Variants in HMOX1 observed in about 807,000 individuals in gnomAD.
The protein encoded by HMOX1 is heat shock protein, 32-kD.
HMOX1 carries 22 observed loss-of-function variants against 27.8 expected under a neutral mutation model. That is an observed-to-expected ratio of 0.79 (90% confidence interval 0.57 to 1.13). HMOX1 has a LOEUF of 1.13. Among genes scored for constraint, HMOX1 ranks in the 50% most tolerant of loss-of-function variants. The probability of loss-of-function intolerance (pLI) is 0.00; values close to 1 mark genes in which losing one functional copy is unlikely to be tolerated. For missense variants in HMOX1, 379 were observed against 377.7 expected (o/e 1.00, Z -0.03); for synonymous variants, 153 against 151.6 (o/e 1.01, Z -0.07).
At position 35,393,669 on chromosome 22, in the gene HMOX1, C is replaced by G. The variant is rs559481884; in HGVS notation, c.*71C>G. ...AGGCCTTCTTTCTAGAGAGGGAATT[C>G]TCTTGGCTGGCTTCCTTACCGTGGG... On this transcript the variant is annotated 3_prime_UTR_variant, in exon 5 of 5. Coordinates refer to ENST00000216117, the MANE Select transcript of HMOX1 (RefSeq NM_002133.3). 1,589 of 1,596,134 alleles carry G rather than the reference C, an allele frequency of 1.0e-3. 2 individuals carry two copies. Among genetic ancestry groups the G allele is most frequent in the Non-Finnish European group, 1.2e-3 (1,409 of 1,164,512 alleles).
At position 35,390,123 on chromosome 22, in the gene HMOX1, G is replaced by A. The variant is rs149112944; in HGVS notation, c.736+160G>A. 924 of 682,950 alleles carry A rather than the reference G, an allele frequency of 1.4e-3. 14 individuals are homozygous for A. The East Asian group carries it at 0.023, about 17-fold the overall frequency. The allele number at this position is 682,950 out of a possible 1,614,324, so 42.3% of individuals were successfully genotyped here. On this transcript the variant is annotated intron_variant, in intron 4 of 4. Transcript: ENST00000216117. ...ACTGCCCCTGTAAGGACAGGTTCTC[G>A]CTATATTGCCCAGGCCAGTCTTGAA...
chr22:35,390,207 C>T (rs1332078689), intron 4 of HMOX1: 18 of 539,458 alleles, frequency 3.3e-5, no homozygotes, highest in East Asian at 6.6e-5. Flanking sequence ...GTTACAGGCG[C>T]GAGCCACCAT....
chr22:35,389,599 C>T (rs1182476014), intron 3 of HMOX1, among the ~76,000 whole-genome samples: 2 of 151,172 alleles, frequency 1.3e-5, no homozygotes, highest in Non-Finnish European at 1.5e-5. Flanking sequence ...TGCACCACCA[C>T]GCCCGGCTAA....
chr22:35,389,993 C>T, intron 4 of HMOX1, 30 bp downstream of exon 4: 1 of 1,420,080 alleles, frequency 7.0e-7, no homozygotes, highest in Non-Finnish European at 9.9e-7. Flanking sequence ...GGCACTTCCT[C>T]TGGGCTACAC....
At chr22:35,382,938 G>A (rs1333978750) in intron 1 of HMOX1, among the ~76,000 whole-genome samples, 168 bp from the exon 2 acceptor site, 1 of 152,220 alleles carries the variant, frequency 6.6e-6, no homozygotes, top group Non-Finnish European at 1.5e-5. Context: ...GATTACAGGC[G>A]TGAGCCACCG....
At chr22:35,389,353 TTC>T in intron 3 of HMOX1, among the ~76,000 whole-genome samples, 1 of 44,006 alleles carries the variant, frequency 2.3e-5, no homozygotes, top group African/African-American at 2.2e-4. Flanking sequence ...CCTTCCTTCC[TTC>T]CTTCCTTCCT....
At position 35,386,828 on chromosome 22, in the gene HMOX1, G is replaced by A. The variant is rs755879599; in HGVS notation, c.288G>A (p.Trp96Ter). 6.2e-7 allele frequency: 1 copy of A among 1,614,212 alleles called. No individual in the cohort carries two copies. Among genetic ancestry groups the A allele is most frequent in the Non-Finnish European group, 8.5e-7 (1 of 1,180,034 alleles). The change falls in exon 3 of 5, where the codon TGG (tryptophan) becomes TGA (stop). Residue 96 changes from tryptophan (W) to a stop codon, truncating the protein, a stop_gained. Coordinates refer to ENST00000216117, the MANE Select transcript of HMOX1 (RefSeq NM_002133.3). LOFTEE classifies it high-confidence loss of function. ...CCCTGGAGCAGGACCTGGCCTTCTG[G>A]TACGGGCCCCGCTGGCAGGAGGTCA... is the stretch of plus-strand genomic sequence containing the variant. ...KAALEQDLAF[W>*]YGPRWQEVIP...
intron 2 of HMOX1, among the ~76,000 whole-genome samples, chr22:35,383,630 G>A (rs2145764788): frequency 6.6e-6 from 1 of 152,312 alleles, no homozygotes; most frequent in East Asian, 1.9e-4. Flanking sequence ...ACCGATTTCA[G>A]CCTTGTACTC....
At chr22:35,390,728 C>T (rs993920840) in intron 4 of HMOX1, among the ~76,000 whole-genome samples, 5 of 152,126 alleles carry the variant, frequency 3.3e-5, no homozygotes, top group African/African-American at 1.2e-4. Context: ...AAACTCCTGC[C>T]TCCTTAATTT....
chr22:35,389,215 C>CTCTCTTTCTT (rs1931591228), intron 3 of HMOX1, among the ~76,000 whole-genome samples: 1 of 112,182 alleles, frequency 8.9e-6, no homozygotes, highest in Non-Finnish European at 1.7e-5. Flanking sequence ...CTTTCTTTCT[C>CTCTCTTTCTT]TCTTTCTTTC....
At chr22:35,392,240 AAG>A (rs894389461) in intron 4 of HMOX1, among the ~76,000 whole-genome samples, 2 of 151,696 alleles carry the variant, frequency 1.3e-5, no homozygotes, top group African/African-American at 4.8e-5. Context: ...AAAAAAAAGA[AAG>A]AAAAGAAAAG....
At position 35,393,900 on chromosome 22, in the gene HMOX1, A is replaced by G; in HGVS notation, c.*302A>G. The G allele has an allele frequency of 2.5e-6, 1 of 401,982 alleles. No homozygotes were observed. 24.9% of individuals were successfully genotyped at this position (401,982 alleles called of 1,614,324 possible). ...GACACCCTAATGTGGCAGCTGTCTC[A>G]AACCTCCAAAAGCCCTGAGTTTCAA... is the stretch of plus-strand genomic sequence containing the variant. On this transcript the variant is annotated 3_prime_UTR_variant, in exon 5 of 5. Coordinates refer to ENST00000216117, the MANE Select transcript of HMOX1 (RefSeq NM_002133.3).
At chr22:35,386,001 G>A (rs1284020609) in intron 2 of HMOX1, among the ~76,000 whole-genome samples, 1 of 151,366 alleles carries the variant, frequency 6.6e-6, no homozygotes, top group Non-Finnish European at 1.5e-5. Context: ...TGTTGCCCAG[G>A]CTGGAGTGCA....
intron 1 of HMOX1, among the ~76,000 whole-genome samples, chr22:35,381,816 C>T (rs904495426): frequency 6.6e-6 from 1 of 152,048 alleles, no homozygotes; most frequent in African/African-American, 2.4e-5. Context: ...CCCACCTCAG[C>T]CTCCAGAGTA....
In HMOX1 at chr22:35,393,207, C is replaced by T. The variant is rs375013479; in HGVS notation, c.737-261C>T. 3.9e-5 allele frequency among the ~76,000 whole-genome samples: 6 copies of T among 152,308 alleles called. 1 individual carries two copies. The highest frequency in any genetic ancestry group is 3.4e-3 in the Middle Eastern group (1 of 294). On this transcript the variant is annotated intron_variant, in intron 4 of 4. Coordinates refer to ENST00000216117, the MANE Select transcript of HMOX1 (RefSeq NM_002133.3). The stretch of plus-strand genomic sequence containing the variant: ...GGAGCAGGCAGAAGTCTGAAAACCA[C>T]GCCTGGGCCCAAGAATGTTTTCACA...
rs1931628426 is a variant in HMOX1 at position 35,389,358 on chromosome 22, TCC to T, written c.637-505_637-504del. ...TCTTTCTTCTCCTTCCTTCCTTCCT[TCC>T]TTCCTTCCTTCCTTCCTTCCTTCCT... On this transcript the variant is annotated intron_variant, in intron 3 of 4. Coordinates refer to ENST00000216117, the MANE Select transcript of HMOX1 (RefSeq NM_002133.3). Among the ~76,000 whole-genome samples, 2 of 50,900 alleles carry T rather than the reference TCC, an allele frequency of 3.9e-5. 1 individual carries two copies. Among genetic ancestry groups the T allele is most frequent in the African/African-American group, 3.7e-4 (2 of 5,424 alleles). The allele number at this position is 50,900 out of a possible 152,430, so 33.4% of individuals were successfully genotyped here.
At chr22:35,386,312 G>A (rs1461129000) in intron 2 of HMOX1, among the ~76,000 whole-genome samples, 2 of 152,070 alleles carry the variant, frequency 1.3e-5, no homozygotes, top group Non-Finnish European at 2.9e-5. Flanking sequence ...GGGCTATGTT[G>A]CCCAGGCTGG....
Position 35,393,651 on chromosome 22 carries a change from C to T in HMOX1, c.*53C>T, listed in dbSNP as rs550546401. The T allele has an allele frequency of 8.1e-6, 13 of 1,610,898 alleles. No homozygotes were observed. The Admixed American group carries it at 1.2e-4, about 14-fold the overall frequency. On this transcript the variant is annotated 3_prime_UTR_variant, in exon 5 of 5. Transcript: ENST00000216117. ...TGAACTTTGTCCGGTGGAAGGCCTT[C>T]TTTCTAGAGAGGGAATTCTCTTGGC...
intron 4 of HMOX1, among the ~76,000 whole-genome samples, chr22:35,391,840 G>T (rs1320493060): frequency 6.6e-6 from 1 of 151,346 alleles, no homozygotes; most frequent in Non-Finnish European, 1.5e-5. Context: ...ATGTGTGTTG[G>T]CATTTTCCAA....
Sources: gnomAD v4.1 joint callset for allele counts (sites outside exome capture counted in the v4.1 genomes callset) on GRCh38, gnomAD v4.1.1 for gene constraint, MANE v1.5 for transcripts, NCBI Gene and HGNC (gene_info 2026-07-23, HGNC 2026-07-21) for gene names.